The following BSN variants were observed in gnomAD, a reference collection of about 807,000 sequenced individuals.
BSN encodes protein bassoon.
Under a neutral mutation model 264.8 loss-of-function variants are expected in BSN, and 57 were observed. That is an observed-to-expected ratio of 0.22 (90% CI 0.17 to 0.27). The LOEUF is 0.27. Among genes scored for constraint, BSN ranks in the 10% least tolerant of loss-of-function variants. The pLI, the probability that BSN is intolerant of heterozygous loss-of-function variation, is 1.00. For missense variants in BSN, 4,615 were observed against 5,232.5 expected, an observed-to-expected ratio of 0.88 and a Z score of 3.64; for synonymous variants, 2,059 against 2,137.3, an observed-to-expected ratio of 0.96 and a Z score of 1.01.
chr3:49,622,993 T>G (rs1461482899), intron 1 of BSN, among the ~76,000 whole-genome samples: 1 of 152,138 alleles, frequency 6.6e-6, no homozygotes, highest in African/African-American at 2.4e-5. Flanking sequence ...TAATAGTGTT[T>G]CTTTTTTTTA....
intron 1 of BSN, among the ~76,000 whole-genome samples, chr3:49,575,793 A>G (rs751595720): frequency 6.6e-6 from 1 of 151,614 alleles, no homozygotes; most frequent in East Asian, 1.9e-4. Context: ...CCTTGGGTCA[A>G]CTTCCACTGC....
Position 49,657,816 on chromosome 3 carries a change from C to T in BSN, c.8260C>T (p.Pro2754Ser), listed in dbSNP as rs753813899. Residue 2754 changes from proline to serine, a missense_variant, in exon 5 of 12, where the codon CCT (proline) becomes TCT (serine). This residue lies in a region of BSN where 3,415 missense variants were observed against 3,866.4 expected (regional missense o/e 0.88). Transcript: ENST00000296452. ...TGGCATCCAGATCGTCACCCCAGGG[C>T]CTCTGGGCAGATTTGAAAAAAAGAA... is the stretch of plus-strand genomic sequence containing the variant. ...LPGIQIVTPG[P>S]LGRFEKKKPD... 18 of 1,599,822 alleles carry T rather than the reference C, an allele frequency of 1.1e-5. No homozygotes were observed. Among genetic ancestry groups the T allele is most frequent in the Non-Finnish European group, 1.5e-5 (18 of 1,173,746 alleles).
In BSN at chr3:49,656,080, C is replaced by T; in HGVS notation, c.6524C>T (p.Thr2175Ile). The stretch of plus-strand genomic sequence containing the variant: ...TATGGGCCTGCAGCAGGCCAAGGAA[C>T]AGCAGTCAGACAGCTGCTGCCGTCC... ...AQYGPAAGQG[T>I]AVRQLLPSTA... The change falls in exon 5 of 12, where the codon ACA becomes ATA. Residue 2175 changes from threonine (T) to isoleucine (I), a missense_variant. Coordinates refer to ENST00000296452, the MANE Select transcript of BSN (RefSeq NM_003458.4). The T allele has an allele frequency of 6.2e-7, 1 of 1,611,068 alleles. No individual in the cohort carries two copies.
At chr3:49,574,715 A>T (rs1340489001) in intron 1 of BSN, among the ~76,000 whole-genome samples, 1 of 148,726 alleles carries the variant, frequency 6.7e-6, no homozygotes, top group African/African-American at 2.5e-5. Context: ...GGCTCACTGC[A>T]ACCTCCACCT....
Position 49,652,431 on chromosome 3 carries a change from G to A in BSN, c.2875G>A (p.Glu959Lys). The change falls in exon 5 of 12, where the codon GAG becomes AAG. Residue 959 changes from glutamate to lysine, a missense_variant. Around this residue, in one of 3 missense-constraint regions of BSN, gnomAD observed 1,197 missense variants for 1,348.0 expected, o/e 0.89. Coordinates refer to ENST00000296452, the MANE Select transcript of BSN (RefSeq NM_003458.4). ...GQGPDPSLDR[E>K]PELEMESLTG... ...AGGCCCAGACCCCAGTCTGGACCGG[G>A]AGCCTGAGCTGGAGATGGAGAGCCT... 1 of 1,612,974 alleles carries A rather than the reference G, an allele frequency of 6.2e-7. No homozygotes were observed.
chr3:49,556,958 G>T (rs1398046436), intron 1 of BSN, among the ~76,000 whole-genome samples: 1 of 152,190 alleles, frequency 6.6e-6, no homozygotes, highest in Non-Finnish European at 1.5e-5. Flanking sequence ...AGATGATTCT[G>T]GGGGAGTTAA....
chr3:49,658,051 G>A lies in BSN; in HGVS notation c.8495G>A (p.Ser2832Asn), dbSNP rs556092638. The change falls in exon 5 of 12, where the codon AGC becomes AAC. Residue 2832 changes from serine to asparagine, a missense_variant. Coordinates refer to ENST00000296452, the MANE Select transcript of BSN (RefSeq NM_003458.4). ...CCCCAGAAGCACTTCACGGCTGACA[G>A]CGCTCTCCGCCAGCAGACGCTGCCT... ...VSPQKHFTADSALRQQTLPRP... is the reference protein window; with the variant it reads ...VSPQKHFTADNALRQQTLPRP... 1.2e-6 allele frequency: 2 copies of A among 1,613,462 alleles called. No homozygotes were observed. Among genetic ancestry groups the A allele is most frequent in the East Asian group, 2.2e-5 (1 of 44,884 alleles).
In BSN at chr3:49,613,303, C is replaced by CAAGAGAGAGAGAGAGAGAGAGAGA. The variant is rs2052223343; in HGVS notation, c.225-11672_225-11671insAAGAGAGAGAGAGAGAGAGAGAGA. On this transcript the variant is annotated intron_variant, in intron 1 of 11. Transcript: ENST00000296452. ...TATATATATATATACACACACAGAG[C>CAAGAGAGAGAGAGAGAGAGAGAGA]GAGAGAGAGAGAGAGAGAGAGAGAG... Among the ~76,000 whole-genome samples, 81 of 47,318 alleles carry CAAGAGAGAGAGAGAGAGAGAGAGA rather than the reference C, an allele frequency of 1.7e-3. 2 individuals are homozygous for CAAGAGAGAGAGAGAGAGAGAGAGA. Among genetic ancestry groups the CAAGAGAGAGAGAGAGAGAGAGAGA allele is most frequent in the Non-Finnish European group, 2.6e-3 (66 of 25,048 alleles). 31.0% of individuals were successfully genotyped at this position (47,318 alleles called of 152,430 possible).
Position 49,651,313 on chromosome 3 carries a change from A to G in BSN, c.1987-230A>G, listed in dbSNP as rs1262985559. The stretch of plus-strand genomic sequence containing the variant: ...TTGTCAGATGCTTTGCTGGGTTTTG[A>G]TACCCTTTGATCTAGTAAAGTTTCT... On this transcript the variant is annotated intron_variant, in intron 4 of 11. Coordinates refer to ENST00000296452, the MANE Select transcript of BSN (RefSeq NM_003458.4). This position sits in a 1 kb window ranked among gnomAD's most constrained non-coding sequence, Gnocchi z 5.4. 3.1e-6 allele frequency: 2 copies of G among 635,928 alleles called. No homozygotes were observed. Among genetic ancestry groups the G allele is most frequent in the Non-Finnish European group, 5.2e-6 (2 of 381,898 alleles). 39.4% of individuals were successfully genotyped at this position (635,928 alleles called of 1,614,324 possible).
chr3:49,642,823 C>T lies in BSN; in HGVS notation c.1189C>T (p.Pro397Ser). Residue 397 changes from proline (P) to serine (S), a missense_variant, in exon 3 of 12, where the codon CCA becomes TCA. Physicochemically the swap from Pro to Ser is moderately conservative, Grantham distance 74. Transcript: ENST00000296452. The surrounding 1 kb of genome is among the most constrained non-coding windows in gnomAD (Gnocchi z 7.0). Reference protein sequence around the residue: ...VFNDASKEAGPKPLGSGPGPG... With the variant: ...VFNDASKEAGSKPLGSGPGPG... ...CAATGATGCCAGCAAGGAGGCTGGC[C>T]CAAAACCCTTGGGCTCAGGGCCCGG... The T allele has an allele frequency of 6.2e-7, 1 of 1,613,026 alleles. No individual in the cohort carries two copies. Among genetic ancestry groups the T allele is most frequent in the Non-Finnish European group, 8.5e-7 (1 of 1,179,646 alleles).
At chr3:49,611,924 C>T (rs1344943685) in intron 1 of BSN, among the ~76,000 whole-genome samples, 1 of 152,160 alleles carries the variant, frequency 6.6e-6, no homozygotes, top group East Asian at 1.9e-4. Context: ...TTCCCTCCCT[C>T]TATTTCTCTT....
chr3:49,666,054 G>C (rs1254836653), intron 11 of BSN, among the ~76,000 whole-genome samples: 1 of 152,264 alleles, frequency 6.6e-6, no homozygotes. Context: ...AGAATCACCT[G>C]GCTGTTGGTA....
intron 1 of BSN, among the ~76,000 whole-genome samples, chr3:49,567,157 A>T (rs1446055117): frequency 1.3e-5 from 2 of 152,198 alleles, no homozygotes; most frequent in African/African-American, 4.8e-5. Flanking sequence ...ATTAATGATA[A>T]TACTCATGAA....
chr3:49,647,758 G>A (rs1429715604), intron 3 of BSN, among the ~76,000 whole-genome samples: 1 of 152,190 alleles, frequency 6.6e-6, no homozygotes, highest in Non-Finnish European at 1.5e-5. Context: ...CAGGCACAGA[G>A]ATTCTACATG....
chr3:49,637,784 C>G (rs532589581), intron 2 of BSN, among the ~76,000 whole-genome samples: 1 of 152,336 alleles, frequency 6.6e-6, no homozygotes, highest in Non-Finnish European at 1.5e-5. Flanking sequence ...GCTTCTGCTT[C>G]CCCCACCTCT....
At position 49,661,250 on chromosome 3, in the gene BSN, C is replaced by A; in HGVS notation, c.9405C>A (p.Pro3135=). The change falls in exon 6 of 12, where the codon CCC becomes CCA. Residue 3135 remains proline, a synonymous_variant. Coordinates refer to ENST00000296452, the MANE Select transcript of BSN (RefSeq NM_003458.4). Reference sequence around the variant, plus strand: ...CACAGAGCACCCTTTTTCCAGTCCCCGCTGATAGCCGTGCCCCACTGCAGA... The same window carrying A: ...CACAGAGCACCCTTTTTCCAGTCCCAGCTGATAGCCGTGCCCCACTGCAGA... ...PTTQSTLFPV[P]ADSRAPLQKP... 1 of 1,613,734 alleles carries A rather than the reference C, an allele frequency of 6.2e-7. No individual in the cohort carries two copies. Among genetic ancestry groups the A allele is most frequent in the Non-Finnish European group, 8.5e-7 (1 of 1,180,040 alleles).
Position 49,625,338 on chromosome 3 carries a change from G to C in BSN, c.588G>C (p.Lys196Asn), listed in dbSNP as rs374439471. Residue 196 changes from lysine to asparagine, a missense_variant, in exon 2 of 12, where the codon AAG (lysine) becomes AAC (asparagine). Lys to Asn is a moderately conservative substitution (Grantham distance 94, BLOSUM62 0). This residue lies in a region of BSN where 1,197 missense variants were observed against 1,348.0 expected (regional missense o/e 0.89). Coordinates refer to ENST00000296452, the MANE Select transcript of BSN (RefSeq NM_003458.4). The surrounding 1 kb of genome is among the most constrained non-coding windows in gnomAD (Gnocchi z 4.4). ...NFNTCTQCHN[K>N]VCNQCGFNPN... ...ACACCTGCACCCAGTGTCACAACAA[G>C]GTCTGCAACCAGTGTGGGTTCAACC... 4 of 1,564,862 alleles carry C rather than the reference G, an allele frequency of 2.6e-6. No homozygotes were observed. In the African/African-American group the frequency reaches 4.1e-5, roughly 16 times the overall value.
Position 49,653,767 on chromosome 3 carries a change from C to A in BSN, c.4211C>A (p.Ala1404Glu). ...PRGYMTPASP[A>E]GSERSPSPSS... ...GGATATATGACTCCAGCCTCCCCAG[C>A]AGGCTCCGAGCGTAGTCCTTCACCA... Residue 1404 changes from alanine to glutamate, a missense_variant, in exon 5 of 12, where the codon GCA (alanine) becomes GAA (glutamate). Coordinates refer to ENST00000296452, the MANE Select transcript of BSN (RefSeq NM_003458.4). This position sits in a 1 kb window ranked among gnomAD's most constrained non-coding sequence, Gnocchi z 6.3. 1.9e-6 allele frequency: 3 copies of A among 1,614,118 alleles called. No individual in the cohort carries two copies. The highest frequency in any genetic ancestry group is 2.5e-6 in the Non-Finnish European group (3 of 1,180,018).
chr3:49,662,254 G>A lies in BSN; in HGVS notation c.10409G>A (p.Arg3470Gln), dbSNP rs142290203. ...TGGGGCAAGGGGTACGAAAGGGAAC[G>A]GGAGGCTGTGGAGCGACTTCAAAAA... ...SGWGKGYEREREAVERLQKAG... is the reference protein window; with the variant it reads ...SGWGKGYEREQEAVERLQKAG... Residue 3470 changes from arginine to glutamine, a missense_variant, in exon 6 of 12, where the codon CGG becomes CAG. Physicochemically the swap from Arg to Gln is conservative, Grantham distance 43. This residue lies in a region of BSN where 3,415 missense variants were observed against 3,866.4 expected (regional missense o/e 0.88). Coordinates refer to ENST00000296452, the MANE Select transcript of BSN (RefSeq NM_003458.4). 40 of 1,613,780 alleles carry A rather than the reference G, an allele frequency of 2.5e-5. No individual in the cohort carries two copies. Among genetic ancestry groups the A allele is most frequent in the Non-Finnish European group, 3.2e-5 (38 of 1,179,944 alleles).
Sources: allele counts gnomAD v4.1 joint callset (sites outside exome capture counted in the v4.1 genomes callset), GRCh38; gene constraint gnomAD v4.1.1; regional missense constraint gnomAD v4.1.1; non-coding constraint Gnocchi (gnomAD v3.1); transcripts MANE v1.5; gene names NCBI Gene and HGNC (gene_info 2026-07-23, HGNC 2026-07-21).